Variants in EYA2 observed in about 807,000 individuals in gnomAD.
EYA2 encodes protein phosphatase EYA2.
EYA2 carries 31 observed loss-of-function variants against 69.2 expected under a neutral mutation model. The ratio of observed to expected loss-of-function variants is 0.45; its 90% confidence interval spans 0.34 to 0.60. The LOEUF is 0.60. EYA2 is among the 20% of genes least tolerant of loss of function. The probability of loss-of-function intolerance (pLI) is 0.02; values close to 1 mark genes in which losing one functional copy is unlikely to be tolerated. For missense variants in EYA2, 622 were observed against 701.2 expected (o/e 0.89, Z 1.28); for synonymous variants, 257 against 279.4 (o/e 0.92, Z 0.80).
At chr20:47,123,800 G>A (rs1292770547) in intron 9 of EYA2, among the ~76,000 whole-genome samples, 1 of 151,998 alleles carries the variant, frequency 6.6e-6, no homozygotes, top group Non-Finnish European at 1.5e-5. Context: ...AGACCAGCCT[G>A]GCCAACATGG....
intron 5 of EYA2, among the ~76,000 whole-genome samples, chr20:47,067,167 A>G (rs1277711471): frequency 6.6e-6 from 1 of 152,166 alleles, no homozygotes; most frequent in Non-Finnish European, 1.5e-5. Context: ...TTATTTCCAA[A>G]CCTGCCCTGA....
chr20:47,089,884 G>A (rs1489301384), intron 8 of EYA2, among the ~76,000 whole-genome samples: 2 of 151,862 alleles, frequency 1.3e-5, no homozygotes, highest in East Asian at 3.9e-4. Flanking sequence ...CAGATCAATT[G>A]AAAAGACTCA....
In EYA2 at chr20:47,014,628, A is replaced by ATGTGTGTGTG. The variant is rs56005987; in HGVS notation, c.299-1520_299-1511dup. On this transcript the variant is annotated intron_variant, in intron 4 of 15. Transcript: ENST00000327619. The stretch of plus-strand genomic sequence containing the variant: ...AGATAGACTTGCACATGTGCACAAA[A>ATGTGTGTGTG]TGTGTGTGTGTGTGTGTGTGTGTGT... Among the ~76,000 whole-genome samples, 859 of 144,690 alleles carry ATGTGTGTGTG rather than the reference A, an allele frequency of 5.9e-3. 4 individuals are homozygous for ATGTGTGTGTG. The highest frequency in any genetic ancestry group is 0.014 in the Middle Eastern group (4 of 278). The allele number at this position is 144,690 out of a possible 152,430, so 94.9% of individuals were successfully genotyped here. A position where few individuals can be genotyped will look rare whatever the true frequency, so the allele number is the denominator to read the frequency against.
intron 10 of EYA2, among the ~76,000 whole-genome samples, chr20:47,166,393 TAAAAAAAAAAAAAAAAAAAA>T (rs370944686): frequency 0.027 from 934 of 34,514 alleles, 23 homozygotes; most frequent in African/African-American, 0.045. Flanking sequence ...CAAGACTGTC[TAAAAAAAAAAAAAAAAAAAA>T]AAAAAAAAAA....
At chr20:47,164,497 A>G (rs901713846) in intron 10 of EYA2, among the ~76,000 whole-genome samples, 4 of 152,168 alleles carry the variant, frequency 2.6e-5, no homozygotes, top group African/African-American at 9.7e-5. Context: ...GTGTTTTTCC[A>G]GTTTCAGGCA....
intron 7 of EYA2, among the ~76,000 whole-genome samples, chr20:47,088,195 T>C (rs1439720694): frequency 2.0e-5 from 3 of 152,072 alleles, no homozygotes; most frequent in African/African-American, 4.8e-5. Flanking sequence ...GATCACGCCA[T>C]TGCACTCCAG....
chr20:47,002,656 G>T (rs950669470), intron 3 of EYA2, among the ~76,000 whole-genome samples: 1 of 152,248 alleles, frequency 6.6e-6, no homozygotes, highest in Middle Eastern at 3.4e-3. Flanking sequence ...AAATTGTGCT[G>T]CAATGAACAT....
intron 5 of EYA2, among the ~76,000 whole-genome samples, chr20:47,056,585 T>C (rs1322587115): frequency 2.0e-5 from 3 of 152,174 alleles, no homozygotes; most frequent in African/African-American, 7.2e-5. Flanking sequence ...ATAAACAAAC[T>C]ATGCTTAGCT....
chr20:47,030,493 C>G (rs1377489725), intron 5 of EYA2, among the ~76,000 whole-genome samples: 4 of 151,986 alleles, frequency 2.6e-5, no homozygotes, highest in Non-Finnish European at 5.9e-5. Context: ...CACACAGCCC[C>G]AGGCTGACAG....
intron 1 of EYA2, among the ~76,000 whole-genome samples, chr20:46,900,088 CT>C (rs1984019732): frequency 6.6e-6 from 1 of 151,974 alleles, no homozygotes; most frequent in Non-Finnish European, 1.5e-5. Flanking sequence ...CTTTCTTCTT[CT>C]TTTTTCCTTT....
chr20:46,963,120 GAT>G lies in EYA2; in HGVS notation c.-10-26880_-10-26879del, dbSNP rs1277199649. Among the ~76,000 whole-genome samples, 41 of 152,342 alleles carry G rather than the reference GAT, an allele frequency of 2.7e-4. 1 individual carries two copies. Among genetic ancestry groups the G allele is most frequent in the Non-Finnish European group, 1.5e-5 (1 of 68,028 alleles). On this transcript the variant is annotated intron_variant, in intron 1 of 15. Coordinates refer to ENST00000327619, the MANE Select transcript of EYA2 (RefSeq NM_005244.5). ...AGTTGCCCATGGTGGTAACTTGCTT[GAT>G]GACACACCCTGTATCGGCTCCTTCT... is the stretch of plus-strand genomic sequence containing the variant.
chr20:47,145,460 G>A (rs1275326119), intron 10 of EYA2, among the ~76,000 whole-genome samples: 2 of 152,224 alleles, frequency 1.3e-5, no homozygotes, highest in Admixed American at 6.5e-5. Context: ...TGAGCCTGGG[G>A]CAGGAGATAT....
chr20:47,090,887 G>A lies in EYA2; in HGVS notation c.804+1506G>A, dbSNP rs527626819. Among the ~76,000 whole-genome samples, 15 of 152,124 alleles carry A rather than the reference G, an allele frequency of 9.9e-5. No homozygotes were observed. The East Asian group carries it at 1.5e-3, about 16-fold the overall frequency. On this transcript the variant is annotated intron_variant, in intron 8 of 15. Transcript: ENST00000327619. Reference sequence around the variant, plus strand: ...TAGGCAAAATGGATGCCCCAAAACCGGAAGTAAGCTACTGTTGTCTTATCA... The same window carrying A: ...TAGGCAAAATGGATGCCCCAAAACCAGAAGTAAGCTACTGTTGTCTTATCA...
intron 10 of EYA2, among the ~76,000 whole-genome samples, chr20:47,158,517 C>CAA (rs11435825): frequency 4.1e-4 from 57 of 139,668 alleles, no homozygotes; most frequent in African/African-American, 9.2e-4. Context: ...AACTCTGTCT[C>CAA]AAAAAAAAAA....
chr20:47,117,229 C>T (rs1311473643), intron 9 of EYA2, among the ~76,000 whole-genome samples: 1 of 152,112 alleles, frequency 6.6e-6, no homozygotes, highest in Non-Finnish European at 1.5e-5. Context: ...AGGCTGGTCT[C>T]GAACTCCTGG....
Position 47,183,491 on chromosome 20 carries a change from G to A in EYA2, c.1536+100G>A, listed in dbSNP as rs113659975. ...ATGATTTCCTCCACTCCCCGTGGCTGGCTGGGTCCTCCTTCCCAGGCTCCT... is the reference window on the plus strand; with the variant it reads ...ATGATTTCCTCCACTCCCCGTGGCTAGCTGGGTCCTCCTTCCCAGGCTCCT... On this transcript the variant is annotated intron_variant, in intron 15 of 15. Transcript: ENST00000327619. 1.3e-5 allele frequency: 14 copies of A among 1,039,256 alleles called. No homozygotes were observed. The African/African-American group carries it at 1.9e-4, about 14-fold the overall frequency. 64.4% of individuals were successfully genotyped at this position (1,039,256 alleles called of 1,614,324 possible). A position where few individuals can be genotyped will look rare whatever the true frequency, so the allele number is the denominator to read the frequency against.
chr20:47,089,339 G>C lies in EYA2; in HGVS notation c.762G>C (p.Lys254Asn), dbSNP rs761938092. The stretch of plus-strand genomic sequence containing the variant: ...ACGGGAAGCTCCGAGGCCGGTCTAA[G>C]AGGAGCAGTGACCCGTCCCCGGCAG... ...ASDGKLRGRSKRSSDPSPAGD... is the reference protein window; with the variant it reads ...ASDGKLRGRSNRSSDPSPAGD... The change falls in exon 8 of 16, where the codon AAG becomes AAC. Residue 254 changes from lysine to asparagine, a missense_variant. Around this residue, in one of 2 missense-constraint regions of EYA2, gnomAD observed 365 missense variants for 349.7 expected, o/e 1.04. Coordinates refer to ENST00000327619, the MANE Select transcript of EYA2 (RefSeq NM_005244.5). 6.2e-7 allele frequency: 1 copy of C among 1,614,180 alleles called. No individual in the cohort carries two copies. Among genetic ancestry groups the C allele is most frequent in the Non-Finnish European group, 8.5e-7 (1 of 1,180,026 alleles).
intron 4 of EYA2, among the ~76,000 whole-genome samples, chr20:47,011,767 C>G (rs1168336759): frequency 1.3e-5 from 2 of 152,164 alleles, no homozygotes; most frequent in African/African-American, 2.4e-5. Context: ...ATCCCAACTC[C>G]CCTTAACCAA....
chr20:46,987,910 G>A (rs1282032245), intron 1 of EYA2, among the ~76,000 whole-genome samples: 11 of 62,394 alleles, frequency 1.8e-4, no homozygotes, highest in Non-Finnish European at 3.7e-4. Flanking sequence ...CTGGAAGACA[G>A]AGTAAGTCTC....
Sources: allele counts gnomAD v4.1 joint callset (sites outside exome capture counted in the v4.1 genomes callset), GRCh38; gene constraint gnomAD v4.1.1; regional missense constraint gnomAD v4.1.1; transcripts MANE v1.5; gene names NCBI Gene and HGNC (gene_info 2026-07-23, HGNC 2026-07-21).